ATRNL1: variants seen among roughly 807,000 people sequenced by gnomAD.
ATRNL1 encodes the protein attractin-like protein 1.
ATRNL1 carries 95 observed loss-of-function variants against 182.7 expected under a neutral mutation model. The ratio of observed to expected loss-of-function variants is 0.52; its 90% CI spans 0.44 to 0.62. ATRNL1 has a LOEUF of 0.62. Among genes scored for constraint, ATRNL1 ranks in the 20% least tolerant of loss-of-function variants. The pLI, the probability that ATRNL1 is intolerant of heterozygous loss-of-function variation, is 0.00. For synonymous variants in ATRNL1, 576 were observed against 568.3 expected (o/e 1.01, Z -0.19); for missense variants, 1,471 against 1,679.5 (o/e 0.88, Z 2.17).
At chr10:115,617,893 T>A (rs1555021356) in intron 26 of ATRNL1, among the ~76,000 whole-genome samples, 1 of 152,184 alleles carries the variant, frequency 6.6e-6, no homozygotes, top group Non-Finnish European at 1.5e-5. Context: ...GAAAACTACT[T>A]CCTAATGTTA....
In ATRNL1 at chr10:115,475,582, A is replaced by T. The variant is rs190678513; in HGVS notation, c.3654+6253A>T. ...CCATATTTGTGGTTTCAATCAAGTT[A>T]TTCATTCCTCTGAGCTTCAATTACC... On this transcript the variant is annotated intron_variant, in intron 24 of 28. Coordinates refer to ENST00000355044, the MANE Select transcript of ATRNL1 (RefSeq NM_207303.4). Among the ~76,000 whole-genome samples the T allele has an allele frequency of 4.6e-3, 694 of 151,534 alleles. 4 individuals are homozygous for T. The highest frequency in any genetic ancestry group is 6.8e-3 in the Non-Finnish European group (459 of 67,588).
intron 28 of ATRNL1, among the ~76,000 whole-genome samples, chr10:115,939,060 T>C (rs566171033): frequency 6.6e-6 from 1 of 152,214 alleles, no homozygotes; most frequent in Non-Finnish European, 1.5e-5. Flanking sequence ...GATATGTTAA[T>C]TAGCTTGATT....
At chr10:115,861,693 T>G (rs1161183492) in intron 28 of ATRNL1, among the ~76,000 whole-genome samples, 1 of 152,194 alleles carries the variant, frequency 6.6e-6, no homozygotes, top group Non-Finnish European at 1.5e-5. Flanking sequence ...TTTCTATGTT[T>G]AACAAATTTG....
At chr10:115,468,022 A>G (rs782407670) in intron 23 of ATRNL1, among the ~76,000 whole-genome samples, 1 of 150,806 alleles carries the variant, frequency 6.6e-6, no homozygotes, top group East Asian at 1.9e-4. Flanking sequence ...CTATTTTAAT[A>G]TGTAGAATAT....
intron 19 of ATRNL1, among the ~76,000 whole-genome samples, chr10:115,392,627 T>C (rs1361032402): frequency 1.3e-5 from 2 of 152,174 alleles, no homozygotes; most frequent in Non-Finnish European, 2.9e-5. Flanking sequence ...GTGTGAAGAA[T>C]AGTTGTCATA....
Position 115,351,742 on chromosome 10 carries a change from G to GTTTTT in ATRNL1, c.3175+17324_3175+17325insTTTTT, listed in dbSNP as rs1554941414. 9.7e-3 allele frequency among the ~76,000 whole-genome samples: 1,456 copies of GTTTTT among 149,860 alleles called. 21 individuals are homozygous for GTTTTT. The highest frequency in any genetic ancestry group is 0.033 in the African/African-American group (1,350 of 40,852). ...TATTGGCCTGTAGTTTTCTTTTCTT[G>GTTTTT]TGTTTTGTTTTGTTTTGTTTTGTTT... On this transcript the variant is annotated intron_variant, in intron 19 of 28. Transcript: ENST00000355044.
intron 27 of ATRNL1, among the ~76,000 whole-genome samples, chr10:115,745,786 G>C (rs1228188648): frequency 1.3e-5 from 2 of 152,034 alleles, no homozygotes; most frequent in African/African-American, 4.8e-5. Flanking sequence ...AACATTGGTG[G>C]GGTCTGGCTA....
intron 26 of ATRNL1, among the ~76,000 whole-genome samples, chr10:115,585,153 A>T (rs1174275323): frequency 1.4e-4 from 14 of 100,478 alleles, no homozygotes; most frequent in African/African-American, 4.8e-4. Context: ...TTTGCTGAGG[A>T]GAGCTTTACT....
intron 18 of ATRNL1, among the ~76,000 whole-genome samples, chr10:115,330,287 T>A (rs942632632): frequency 6.6e-6 from 1 of 152,206 alleles, no homozygotes; most frequent in Non-Finnish European, 1.5e-5. Context: ...TTAACCTTCC[T>A]AATAAGGATA....
At chr10:115,191,753 C>A (rs1848177332) in intron 8 of ATRNL1, among the ~76,000 whole-genome samples, 1 of 152,068 alleles carries the variant, frequency 6.6e-6, no homozygotes, top group Admixed American at 6.6e-5. Flanking sequence ...CCTTCCCCTT[C>A]CCCTTCCGCC....
intron 9 of ATRNL1, among the ~76,000 whole-genome samples, chr10:115,233,556 A>G (rs1554900559): frequency 6.6e-6 from 1 of 152,066 alleles, no homozygotes; most frequent in African/African-American, 2.4e-5. Context: ...TCTTCAGCTC[A>G]TTGTTGAATA....
chr10:115,465,084 T>A (rs1376347083), intron 22 of ATRNL1, among the ~76,000 whole-genome samples: 1 of 151,722 alleles, frequency 6.6e-6, no homozygotes, highest in Non-Finnish European at 1.5e-5. Context: ...ATTAGAAAAA[T>A]GATTTTTGGA....
intron 28 of ATRNL1, among the ~76,000 whole-genome samples, chr10:115,918,098 C>CTT (rs534230786): frequency 4.8e-5 from 6 of 123,850 alleles, no homozygotes; most frequent in African/African-American, 1.8e-4. Context: ...TTTTTAGTGT[C>CTT]TTTTTTTTTT....
chr10:115,893,993 G>A (rs966322439), intron 28 of ATRNL1, among the ~76,000 whole-genome samples: 2 of 151,998 alleles, frequency 1.3e-5, no homozygotes, highest in African/African-American at 4.8e-5. Context: ...GAAAGACTTT[G>A]TACTTCTACA....
chr10:115,549,602 G>C, intron 26 of ATRNL1, 66 bp downstream of exon 26: 1 of 1,076,762 alleles, frequency 9.3e-7, no homozygotes, highest in Non-Finnish European at 1.3e-6. Context: ...TCTATTGTCT[G>C]TTAATTACCA....
intron 9 of ATRNL1, among the ~76,000 whole-genome samples, chr10:115,228,186 C>T (rs545115746): frequency 3.3e-5 from 5 of 152,194 alleles, no homozygotes; most frequent in African/African-American, 1.2e-4. Flanking sequence ...TTTTTATTAT[C>T]AGTGTTAGAA....
intron 20 of ATRNL1, among the ~76,000 whole-genome samples, chr10:115,413,535 G>T (rs1012980363): frequency 1.5e-4 from 23 of 151,832 alleles, no homozygotes; most frequent in African/African-American, 5.3e-4. Flanking sequence ...TTTATTATTG[G>T]AATGGACTCA....
chr10:115,935,221 A>G (rs1555122579), intron 28 of ATRNL1, among the ~76,000 whole-genome samples: 1 of 152,212 alleles, frequency 6.6e-6, no homozygotes, highest in Non-Finnish European at 1.5e-5. Flanking sequence ...TGCCTGCAAC[A>G]TGCCCTCAAT....
intron 21 of ATRNL1, 120 bp from the exon 22 acceptor site, chr10:115,461,821 C>A: frequency 2.2e-6 from 1 of 464,332 alleles, no homozygotes. Context: ...TTAAATATAC[C>A]ACTAGTATTT....
Sources: allele counts gnomAD v4.1 joint callset (sites outside exome capture counted in the v4.1 genomes callset), GRCh38; gene constraint gnomAD v4.1.1; transcripts MANE v1.5; gene names NCBI Gene and HGNC (gene_info 2026-07-23, HGNC 2026-07-21).